The following INVS variants were observed in gnomAD, a reference collection of about 807,000 sequenced individuals.
The protein encoded by INVS is inversion of embryo turning homolog.
A neutral mutation model predicts 108.8 loss-of-function variants in INVS; 86 were observed. The ratio of observed to expected loss-of-function variants is 0.79; its 90% CI spans 0.66 to 0.95. The LOEUF (loss-of-function observed/expected upper bound fraction) is 0.95, where lower values mean the gene tolerates loss of function less well. Ranked by LOEUF, INVS falls within the 40% of genes least tolerant of loss-of-function variation. The pLI is 0.00. For missense variants in INVS, 1,169 were observed against 1,297.4 expected (o/e 0.90, Z 1.52); for synonymous variants, 455 against 473.5 (o/e 0.96, Z 0.51).
intron 3 of INVS, among the ~76,000 whole-genome samples, chr9:100,146,229 A>G (rs1296088953): frequency 1.3e-5 from 2 of 151,996 alleles, no homozygotes; most frequent in African/African-American, 2.4e-5. Flanking sequence ...GTGAAGGAAG[A>G]TGGGGTGGGG....
At chr9:100,179,122 A>G (rs982106904) in intron 3 of INVS, among the ~76,000 whole-genome samples, 8 of 152,242 alleles carry the variant, frequency 5.3e-5, no homozygotes, top group African/African-American at 1.9e-4. Flanking sequence ...CTGGCTTACA[A>G]GAGTTCCTGA....
intron 3 of INVS, among the ~76,000 whole-genome samples, chr9:100,173,643 C>T (rs1019861360): frequency 5.9e-5 from 9 of 152,094 alleles, no homozygotes; most frequent in African/African-American, 2.2e-4. Context: ...ACAGGAGAAT[C>T]GCTTGAACCC....
Position 100,292,607 on chromosome 9 carries a change from C to T in INVS, c.2350C>T (p.Pro784Ser), listed in dbSNP as rs772382992. 2 of 1,614,150 alleles carry T rather than the reference C, an allele frequency of 1.2e-6. No homozygotes were observed. The highest frequency in any genetic ancestry group is 8.5e-7 in the Non-Finnish European group (1 of 1,180,016). ...GCCCAGCAGGCGGCATGACACAGAACCCAAGGCCAAATGTGCCCCCCAGAA... is the reference window on the plus strand; with the variant it reads ...GCCCAGCAGGCGGCATGACACAGAATCCAAGGCCAAATGTGCCCCCCAGAA... The part of the protein sequence containing the change: ...WKPSRRHDTE[P>S]KAKCAPQKRR... The change falls in exon 14 of 17, where the codon CCC (proline) becomes TCC (serine). Residue 784 changes from proline (P) to serine (S), a missense_variant. Transcript: ENST00000262457.
intron 3 of INVS, among the ~76,000 whole-genome samples, chr9:100,201,621 G>C (rs1327672470): frequency 6.6e-6 from 1 of 152,088 alleles, no homozygotes; most frequent in Non-Finnish European, 1.5e-5. Context: ...GCTAATTATA[G>C]ACATAAATTT....
At chr9:100,259,557 CTTTT>C (rs35844010) in intron 10 of INVS, among the ~76,000 whole-genome samples, 2 of 132,990 alleles carry the variant, frequency 1.5e-5, no homozygotes, top group Non-Finnish European at 1.6e-5. Flanking sequence ...GAACTGGGGC[CTTTT>C]TTTTTTTTTT....
intron 3 of INVS, among the ~76,000 whole-genome samples, chr9:100,198,264 A>ATT (rs66710233): frequency 3.1e-5 from 2 of 65,286 alleles, no homozygotes; most frequent in Non-Finnish European, 5.6e-5. Flanking sequence ...GAGGGCTAGA[A>ATT]TTTTTTTTTT....
At position 100,300,837 on chromosome 9, in the gene INVS, C is replaced by G. The variant is rs1303750653; in HGVS notation, c.*163C>G. The G allele has an allele frequency of 3.0e-6, 2 of 660,418 alleles. No homozygotes were observed. The highest frequency in any genetic ancestry group is 5.5e-6 in the Non-Finnish European group (2 of 366,746). 40.9% of individuals were successfully genotyped at this position (660,418 alleles called of 1,614,324 possible). A position where few individuals can be genotyped will look rare whatever the true frequency, so the allele number is the denominator to read the frequency against. On this transcript the variant is annotated 3_prime_UTR_variant, in exon 17 of 17. Transcript: ENST00000262457. ...ACTGAAAGAAAATGTCAGAATGTTT[C>G]CTTTCTGCTCTTACACAGCATTGTT...
intron 3 of INVS, among the ~76,000 whole-genome samples, chr9:100,179,433 G>A (rs984780964): frequency 1.3e-5 from 2 of 151,714 alleles, no homozygotes; most frequent in Non-Finnish European, 2.9e-5. Context: ...GAAAATAAAG[G>A]GATAGAGGAA....
At chr9:100,254,963 G>T (rs1832368465) in intron 10 of INVS, among the ~76,000 whole-genome samples, 1 of 152,150 alleles carries the variant, frequency 6.6e-6, no homozygotes, top group Admixed American at 6.6e-5. Flanking sequence ...GAAAGTCATT[G>T]GTAGCTTGAT....
chr9:100,134,070 T>C (rs1256256753), intron 3 of INVS, among the ~76,000 whole-genome samples: 1 of 152,074 alleles, frequency 6.6e-6, no homozygotes, highest in Admixed American at 6.6e-5. Flanking sequence ...CCATATTTGT[T>C]GTCTTTTATC....
chr9:100,252,357 G>A lies in INVS; in HGVS notation c.1153G>A (p.Ala385Thr). 6.2e-7 allele frequency: 1 copy of A among 1,613,870 alleles called. No homozygotes were observed. Among genetic ancestry groups the A allele is most frequent in the Non-Finnish European group, 8.5e-7 (1 of 1,179,788 alleles). Residue 385 changes from alanine (A) to threonine (T), a missense_variant, in exon 9 of 17, where the codon GCT (alanine) becomes ACT (threonine). By Grantham distance (58) the Ala-to-Thr change is moderately conservative. This residue lies in a region of INVS where 271 missense variants were observed against 363.8 expected (regional missense o/e 0.74). Coordinates refer to ENST00000262457, the MANE Select transcript of INVS (RefSeq NM_014425.5). ...LLLENNAQVD[A>T]TDVMKHTPLF... is the part of the protein sequence containing the mutation. The stretch of plus-strand genomic sequence containing the variant: ...ACTGGAAAATAATGCTCAAGTAGAT[G>A]CTACTGATGTTATGAAACATACTCC...
chr9:100,141,091 C>T (rs1447335581), intron 3 of INVS, among the ~76,000 whole-genome samples: 3 of 152,104 alleles, frequency 2.0e-5, no homozygotes, highest in African/African-American at 7.2e-5. Context: ...TAAACAAGAG[C>T]AGGGCATGTG....
chr9:100,259,602 A>G (rs1314051290), intron 10 of INVS, among the ~76,000 whole-genome samples: 4 of 147,898 alleles, frequency 2.7e-5, no homozygotes, highest in African/African-American at 5.0e-5. Context: ...CAGTGGTGCA[A>G]TCTTGGCTCA....
At position 100,297,980 on chromosome 9, in the gene INVS, A is replaced by G; in HGVS notation, c.3061A>G (p.Lys1021Glu). 1 of 1,614,192 alleles carries G rather than the reference A, an allele frequency of 6.2e-7. No individual in the cohort carries two copies. The highest frequency in any genetic ancestry group is 1.3e-5 in the African/African-American group (1 of 75,060). Residue 1021 changes from lysine (K) to glutamate (E), a missense_variant, in exon 16 of 17, where the codon AAA (lysine) becomes GAA (glutamate). Lys to Glu is a moderately conservative substitution (Grantham distance 56). Around this residue, in one of 3 missense-constraint regions of INVS, gnomAD observed 533 missense variants for 536.0 expected, o/e 0.99. Transcript: ENST00000262457. ...GKIHHPTRSV[K>E]ASSVLRLNSV... ...AATACATCATCCTACAAGATCTGTA[A>G]AAGCCTCTTCTGTGCTGCGTCTCAA...
intron 2 of INVS, among the ~76,000 whole-genome samples, chr9:100,125,420 C>T (rs1185808970): frequency 6.6e-6 from 1 of 152,068 alleles, no homozygotes; most frequent in Non-Finnish European, 1.5e-5. Context: ...CATCTGTGCA[C>T]CTTGGTGTTT....
At chr9:100,281,847 T>C (rs1490798063) in intron 12 of INVS, among the ~76,000 whole-genome samples, 3 of 152,094 alleles carry the variant, frequency 2.0e-5, no homozygotes, top group South Asian at 2.1e-4. Flanking sequence ...TGGCTGCCTT[T>C]GTTGAAGGCC....
At chr9:100,198,510 C>T (rs376257808) in intron 3 of INVS, among the ~76,000 whole-genome samples, 9 of 150,988 alleles carry the variant, frequency 6.0e-5, no homozygotes, top group South Asian at 2.1e-4. Context: ...AGGCTGGTCT[C>T]GAACTCCTGA....
intron 6 of INVS, 53 bp from the exon 7 acceptor site, chr9:100,242,517 A>G (rs1831909466): frequency 3.1e-6 from 3 of 975,272 alleles, no homozygotes; most frequent in Admixed American, 3.4e-5. Context: ...ATAGATTATA[A>G]ATTAATTAAC....
chr9:100,141,666 A>G (rs2118949433), intron 3 of INVS, among the ~76,000 whole-genome samples: 1 of 152,308 alleles, frequency 6.6e-6, no homozygotes, highest in Middle Eastern at 3.4e-3. Context: ...TCAACTTGCC[A>G]GTCCTGGGCA....
Sources: gnomAD v4.1 joint callset for allele counts (sites outside exome capture counted in the v4.1 genomes callset) on GRCh38, gnomAD v4.1.1 for gene constraint, gnomAD v4.1.1 regional missense constraint, MANE v1.5 for transcripts, NCBI Gene and HGNC (gene_info 2026-07-23, HGNC 2026-07-21) for gene names.